The following CACNA2D1 variants were observed in gnomAD, a reference collection of about 807,000 sequenced individuals.
CACNA2D1 encodes the protein calcium voltage-gated channel auxiliary subunit alpha2delta 1.
A neutral mutation model predicts 171.5 loss-of-function variants in CACNA2D1; 53 were observed. The observed-to-expected ratio is 0.31, with a 90% CI of 0.25 to 0.39. The LOEUF (loss-of-function observed/expected upper bound fraction) is 0.39. Ranked by LOEUF, CACNA2D1 falls within the 10% of genes least tolerant of loss-of-function variation. The pLI, the probability that CACNA2D1 is intolerant of heterozygous loss-of-function variation, is 1.00. For missense variants in CACNA2D1, 903 were observed against 1,299.8 expected, an observed-to-expected ratio of 0.69 and a Z score of 4.69; for synonymous variants, 442 against 443.1, an observed-to-expected ratio of 1.00 and a Z score of 0.03.
intron 7 of CACNA2D1, among the ~76,000 whole-genome samples, chr7:82,068,492 AATATT>A (rs1456620797): frequency 3.3e-5 from 5 of 152,098 alleles, no homozygotes; most frequent in Non-Finnish European, 7.4e-5. Context: ...CACATTATAT[AATATT>A]ATATCGGATA....
intron 3 of CACNA2D1, among the ~76,000 whole-genome samples, chr7:82,199,003 T>C (rs1487085892): frequency 6.6e-6 from 1 of 152,158 alleles, no homozygotes; most frequent in Non-Finnish European, 1.5e-5. Flanking sequence ...CCCCTGCCTC[T>C]GTCTTTATGG....
chr7:82,207,807 T>C (rs1800163533), intron 3 of CACNA2D1, among the ~76,000 whole-genome samples: 1 of 152,212 alleles, frequency 6.6e-6, no homozygotes, highest in African/African-American at 2.4e-5. Context: ...TTTAATTCTA[T>C]AGATTTAGGA....
chr7:81,964,073 C>G lies in CACNA2D1; in HGVS notation c.2763G>C (p.Trp921Cys). Reference sequence around the variant, plus strand: ...TGACTTACCAGGCAGCAGCAGTGGCCCACCAGCCAATTTGTAATATGTCTG... The same window carrying G: ...TGACTTACCAGGCAGCAGCAGTGGCGCACCAGCCAATTTGTAATATGTCTG... Reference protein sequence around the residue: ...SVADILQIGWWATAAAWSILQ... With the variant: ...SVADILQIGWCATAAAWSILQ... Residue 921 changes from tryptophan to cysteine, a missense_variant, in exon 34 of 39, where the codon TGG becomes TGC. Transcript: ENST00000356860. 6.2e-7 allele frequency: 1 copy of G among 1,611,970 alleles called. No individual in the cohort carries two copies. The highest frequency in any genetic ancestry group is 1.3e-5 in the African/African-American group (1 of 74,852).
intron 10 of CACNA2D1, among the ~76,000 whole-genome samples, chr7:82,046,484 T>C (rs978048757): frequency 5.3e-5 from 8 of 152,178 alleles, no homozygotes; most frequent in African/African-American, 1.4e-4. Flanking sequence ...CTTTAATCAA[T>C]TTAGGAAAAC....
At chr7:81,964,521 G>A (rs1794495849) in intron 32 of CACNA2D1, among the ~76,000 whole-genome samples, 162 bp from the exon 33 acceptor site, 1 of 151,922 alleles carries the variant, frequency 6.6e-6, no homozygotes, top group South Asian at 2.1e-4. Context: ...ATGACACTGT[G>A]AACAAACTAA....
intron 11 of CACNA2D1, among the ~76,000 whole-genome samples, chr7:82,036,433 T>C (rs945500229): frequency 5.3e-5 from 8 of 152,192 alleles, no homozygotes; most frequent in African/African-American, 1.9e-4. Context: ...TAAAATATGC[T>C]CCTTTTTCTG....
chr7:82,429,842 T>G (rs185546905), intron 1 of CACNA2D1, among the ~76,000 whole-genome samples: 2 of 152,284 alleles, frequency 1.3e-5, no homozygotes, highest in Non-Finnish European at 2.9e-5. Context: ...AATGCCAATT[T>G]CTACACTTAT....
intron 3 of CACNA2D1, among the ~76,000 whole-genome samples, chr7:82,294,616 T>G (rs947726700): frequency 6.6e-6 from 1 of 152,092 alleles, no homozygotes; most frequent in African/African-American, 2.4e-5. Context: ...AAATATGTCA[T>G]GAGTCATGAA....
chr7:82,272,094 CT>C (rs1171665348), intron 3 of CACNA2D1, among the ~76,000 whole-genome samples: 1 of 152,082 alleles, frequency 6.6e-6, no homozygotes, highest in East Asian at 1.9e-4. Context: ...TGAGAGAAAA[CT>C]TCTGACAGAT....
At chr7:82,401,191 C>A (rs370892269) in intron 1 of CACNA2D1, among the ~76,000 whole-genome samples, 1 of 152,154 alleles carries the variant, frequency 6.6e-6, no homozygotes, top group African/African-American at 2.4e-5. Context: ...TTTGACGAAG[C>A]CATCCCATTA....
At chr7:82,102,756 G>A (rs1375945849) in intron 6 of CACNA2D1, among the ~76,000 whole-genome samples, 1 of 152,048 alleles carries the variant, frequency 6.6e-6, no homozygotes, top group Non-Finnish European at 1.5e-5. Context: ...AGTCATACAT[G>A]TCACTTCCAC....
At chr7:81,962,370 G>T (rs888638108) in intron 35 of CACNA2D1, 70 bp downstream of exon 35, 2 of 1,068,662 alleles carry the variant, frequency 1.9e-6, no homozygotes, top group South Asian at 1.4e-5. Context: ...TGAATTTGTT[G>T]AACTTCAAGC....
At chr7:82,130,959 G>A (rs1255284950) in intron 5 of CACNA2D1, among the ~76,000 whole-genome samples, 3 of 151,606 alleles carry the variant, frequency 2.0e-5, no homozygotes, top group Non-Finnish European at 2.9e-5. Flanking sequence ...ATCATGCCTG[G>A]CTAAATTTTA....
intron 1 of CACNA2D1, among the ~76,000 whole-genome samples, chr7:82,406,253 T>C (rs949959177): frequency 5.3e-5 from 8 of 152,228 alleles, no homozygotes; most frequent in African/African-American, 1.9e-4. Flanking sequence ...TAGTATTCCA[T>C]GGTGTATATG....
At chr7:82,425,564 C>CAA (rs1199215341) in intron 1 of CACNA2D1, among the ~76,000 whole-genome samples, 1 of 143,364 alleles carries the variant, frequency 7.0e-6, no homozygotes, top group Non-Finnish European at 1.5e-5. Flanking sequence ...TTTTAAGAGA[C>CAA]AGAGTCTTGC....
chr7:82,206,796 T>C (rs958748625), intron 3 of CACNA2D1, among the ~76,000 whole-genome samples: 1 of 152,200 alleles, frequency 6.6e-6, no homozygotes, highest in Non-Finnish European at 1.5e-5. Flanking sequence ...GTGAGAGATA[T>C]AGATATGTTT....
chr7:81,962,384 T>C, intron 35 of CACNA2D1, 56 bp downstream of exon 35: 1 of 1,277,520 alleles, frequency 7.8e-7, no homozygotes, highest in South Asian at 1.3e-5. Flanking sequence ...TTCAAGCACA[T>C]CCCAAAAGAA....
chr7:82,359,834 C>T (rs181834922), intron 1 of CACNA2D1, among the ~76,000 whole-genome samples: 2 of 152,296 alleles, frequency 1.3e-5, no homozygotes, highest in African/African-American at 4.8e-5. Flanking sequence ...CAGTTCTGAA[C>T]ATACAGTGGC....
rs1174278503 is a variant in CACNA2D1, at chr7:82,137,707, T to TAAAAAAAAAAAAAAAAAAA, written c.355-1050_355-1032dup. ...TAATACAGTGAAACTCCGTCTCTAC[T>TAAAAAAAAAAAAAAAAAAA]AAAAAAAAAAAAAAAAAAAAAAATT... On this transcript the variant is annotated intron_variant, in intron 4 of 38. Coordinates refer to ENST00000356860, the MANE Select transcript of CACNA2D1 (RefSeq NM_000722.4). 7.4e-4 allele frequency among the ~76,000 whole-genome samples: 58 copies of TAAAAAAAAAAAAAAAAAAA among 78,810 alleles called. 3 individuals carry two copies. Among genetic ancestry groups the TAAAAAAAAAAAAAAAAAAA allele is most frequent in the South Asian group, 1.0e-3 (2 of 2,008 alleles). The allele number at this position is 78,810 out of a possible 152,430, so 51.7% of individuals were successfully genotyped here.
Sources: allele counts gnomAD v4.1 joint callset (sites outside exome capture counted in the v4.1 genomes callset), GRCh38; gene constraint gnomAD v4.1.1; transcripts MANE v1.5; gene names NCBI Gene and HGNC (gene_info 2026-07-23, HGNC 2026-07-21).